The following MAMLD1 variants were observed in gnomAD, a reference collection of about 807,000 sequenced individuals.
MAMLD1 encodes the protein mastermind like domain containing 1.
A neutral mutation model predicts 45.0 loss-of-function variants in MAMLD1; 14 were observed. The ratio of observed to expected loss-of-function variants is 0.31; its 90% CI spans 0.21 to 0.49. The LOEUF (loss-of-function observed/expected upper bound fraction) is 0.49, where lower values mean the gene tolerates loss of function less well. MAMLD1 is among the 20% of genes least tolerant of loss of function. The probability of loss-of-function intolerance (pLI) is 0.99; values close to 1 mark genes in which losing one functional copy is unlikely to be tolerated. For synonymous variants in MAMLD1, 254 were observed against 247.8 expected (o/e 1.02, Z -0.24); for missense variants, 543 against 603.6 (o/e 0.90, Z 1.05).
In MAMLD1 at chrX:150,503,341, C is replaced by A. The variant is rs1557408641; in HGVS notation, c.2108C>A (p.Pro703His). ...CCCCAGGTCAGCCTCGGGCGACAGCCCCCGTCCTGCCAGGCCCTGGGGAGT... is the reference window on the plus strand; with the variant it reads ...CCCCAGGTCAGCCTCGGGCGACAGCACCCGTCCTGCCAGGCCCTGGGGAGT... ...RHPQVSLGRQ[P>H]PSCQALGSES... Residue 703 changes from proline (P) to histidine (H), a missense_variant, in exon 6 of 8, where the codon CCC becomes CAC. Physicochemically the swap from Pro to His is moderately conservative, Grantham distance 77 (BLOSUM62 -2). Coordinates refer to ENST00000370401, the MANE Select transcript of MAMLD1 (RefSeq NM_005491.5). 1.7e-6 allele frequency: 2 copies of A among 1,211,916 alleles called. No individual in the cohort carries two copies. The highest frequency in any genetic ancestry group is 4.3e-5 in the Admixed American group (2 of 46,146).
upstream of MAMLD1, chrX:150,361,775 G>A (rs1363662445): frequency 8.8e-6 from 1 of 113,032 alleles, no homozygotes; most frequent in East Asian, 2.8e-4. Context: ...ATAGGTGGGA[G>A]GGGAGTCGCT....
Position 150,419,132 on chromosome X carries a change from T to C in MAMLD1, c.-63-26322T>C, listed in dbSNP as rs2034386147. On this transcript the variant is annotated intron_variant, in intron 1 of 7. Transcript: ENST00000370401. ...TGAATCTGGGTGCTCCTGTATTGGG[T>C]GCATATATATTTAGGATAGTTAGCT... 4.1e-5 allele frequency among the ~76,000 whole-genome samples: 4 copies of C among 97,907 alleles called. No homozygotes were observed. In the Admixed American group the frequency reaches 4.6e-4, roughly 11 times the overall value. 85.0% of individuals were successfully genotyped at this position (97,907 alleles called of 115,157 possible). A position where few individuals can be genotyped will look rare whatever the true frequency, so the allele number is the denominator to read the frequency against.
intron 1 of MAMLD1, among the ~76,000 whole-genome samples, chrX:150,395,756 T>C (rs1255022255): frequency 9.0e-6 from 1 of 110,723 alleles, no homozygotes; most frequent in East Asian, 2.8e-4. Context: ...ATGCTTTGAA[T>C]GTCCATGGGG....
chrX:150,460,295 C>G (rs1386240562), intron 2 of MAMLD1, among the ~76,000 whole-genome samples: 1 of 111,342 alleles, frequency 9.0e-6, no homozygotes, highest in Non-Finnish European at 1.9e-5. Context: ...CTGGGTTTAT[C>G]TGGGCCACTC....
At chrX:150,364,013 T>G (rs920605180) in intron 1 of MAMLD1, among the ~76,000 whole-genome samples, 3 of 113,055 alleles carry the variant, frequency 2.7e-5, no homozygotes, top group Non-Finnish European at 5.6e-5. Flanking sequence ...CAACGCTGTT[T>G]GCCGCCTCTG....
chrX:150,408,254 A>G (rs1174953269), intron 1 of MAMLD1, among the ~76,000 whole-genome samples: 3 of 111,413 alleles, frequency 2.7e-5, no homozygotes, highest in Non-Finnish European at 5.7e-5. Flanking sequence ...CGCTCTTATC[A>G]AAATGATGGT....
chrX:150,473,047 C>T (rs1338313980), intron 4 of MAMLD1, among the ~76,000 whole-genome samples: 2 of 112,739 alleles, frequency 1.8e-5, no homozygotes, highest in Non-Finnish European at 1.9e-5. Flanking sequence ...CAGAAGTCCC[C>T]AGAGGCCCAT....
At chrX:150,481,143 A>G (rs782184237) in intron 5 of MAMLD1, among the ~76,000 whole-genome samples, 3 of 113,079 alleles carry the variant, frequency 2.7e-5, no homozygotes, top group African/African-American at 9.6e-5. Context: ...CATGTGACAA[A>G]GCTTTGAACG....
At chrX:150,370,697 C>A (rs1378756122) in intron 1 of MAMLD1, among the ~76,000 whole-genome samples, 1 of 111,943 alleles carries the variant, frequency 8.9e-6, no homozygotes, top group Non-Finnish European at 1.9e-5. Context: ...TCCACCCCCC[C>A]AGCTCTGGTT....
rs1285175459 is a variant in MAMLD1 at position 150,396,295 on chromosome X, TA to T, written c.-64+32766del. Among the ~76,000 whole-genome samples the T allele has an allele frequency of 9.3e-5, 10 of 107,509 alleles. No homozygotes were observed. In the Admixed American group the frequency reaches 1.0e-3, roughly 11 times the overall value. The allele number at this position is 107,509 out of a possible 115,157, so 93.4% of individuals were successfully genotyped here. A position where few individuals can be genotyped will look rare whatever the true frequency, so the allele number is the denominator to read the frequency against. ...ACAGGTGTGAGCCACCATGCCTACCTAGCCTCTTCTTTTCTAATATTTACAT... is the reference window on the plus strand; with the variant it reads ...ACAGGTGTGAGCCACCATGCCTACCTGCCTCTTCTTTTCTAATATTTACAT... On this transcript the variant is annotated intron_variant, in intron 1 of 7. Transcript: ENST00000370401.
At position 150,468,978 on chromosome X, in the gene MAMLD1, A is replaced by AGTGTGTGTGTGTGT. The variant is rs67617988; in HGVS notation, c.172-752_172-739dup. 4.2e-3 allele frequency among the ~76,000 whole-genome samples: 420 copies of AGTGTGTGTGTGTGT among 100,709 alleles called. 2 individuals are homozygous for AGTGTGTGTGTGTGT. The highest frequency in any genetic ancestry group is 0.013 in the African/African-American group (345 of 27,565). 87.5% of individuals were successfully genotyped at this position (100,709 alleles called of 115,157 possible). ...TTGTGTACACATAGCAATGTGTGAG[A>AGTGTGTGTGTGTGT]GTGTGTGTGTGTGTGTGTGTGTGTG... On this transcript the variant is annotated intron_variant, in intron 3 of 7. Transcript: ENST00000370401.
At chrX:150,443,813 G>A (rs2035401567) in intron 1 of MAMLD1, among the ~76,000 whole-genome samples, 1 of 110,571 alleles carries the variant, frequency 9.0e-6, no homozygotes, top group African/African-American at 3.3e-5. Flanking sequence ...TGTAATTGTT[G>A]GTTGAAGCAC....
At chrX:150,365,592 C>T (rs1242635800) in intron 1 of MAMLD1, among the ~76,000 whole-genome samples, 2 of 113,408 alleles carry the variant, frequency 1.8e-5, no homozygotes, top group African/African-American at 6.4e-5. Flanking sequence ...GTCGCGCCCG[C>T]CGGTGGCTAA....
chrX:150,433,142 A>G (rs976541996), intron 1 of MAMLD1, among the ~76,000 whole-genome samples: 20 of 111,400 alleles, frequency 1.8e-4, no homozygotes, highest in East Asian at 8.4e-4. Context: ...TTGGTTAGCC[A>G]TATTCCCAGG....
intron 1 of MAMLD1, among the ~76,000 whole-genome samples, chrX:150,366,994 A>G (rs1365465460): frequency 1.0e-5 from 1 of 99,866 alleles, no homozygotes; most frequent in Non-Finnish European, 2.0e-5. Flanking sequence ...GCTTTTCCTT[A>G]CAAGATCTCC....
intron 1 of MAMLD1, among the ~76,000 whole-genome samples, chrX:150,442,048 TA>T (rs1400550476): frequency 9.3e-6 from 1 of 107,757 alleles, no homozygotes; most frequent in African/African-American, 3.5e-5. Context: ...CTGTCGCTGG[TA>T]TTTTTTTTTT....
chrX:150,370,743 TCCTTCAAA>T (rs2031914613), intron 1 of MAMLD1, among the ~76,000 whole-genome samples: 1 of 111,681 alleles, frequency 9.0e-6, no homozygotes, highest in Non-Finnish European at 1.9e-5. Flanking sequence ...CTCCCTGGTT[TCCTTCAAA>T]CCTCGAGTTT....
At chrX:150,455,840 G>A (rs958388901) in intron 2 of MAMLD1, among the ~76,000 whole-genome samples, 7 of 107,522 alleles carry the variant, frequency 6.5e-5, no homozygotes, top group Non-Finnish European at 1.3e-4. Context: ...TAGTGTGCAA[G>A]GAGTGTGTAG....
chrX:150,417,759 A>C (rs2034315000), intron 1 of MAMLD1, among the ~76,000 whole-genome samples: 1 of 109,698 alleles, frequency 9.1e-6, no homozygotes, highest in Non-Finnish European at 1.9e-5. Context: ...TCTGATGGCC[A>C]GTGATGATGA....
Sources: allele counts gnomAD v4.1 joint callset (sites outside exome capture counted in the v4.1 genomes callset), GRCh38; gene constraint gnomAD v4.1.1; transcripts MANE v1.5; gene names NCBI Gene and HGNC (gene_info 2026-07-23, HGNC 2026-07-21).